The following WBP2NL variants were observed in gnomAD, a reference collection of about 807,000 sequenced individuals.
WBP2NL encodes WBP2 N-terminal like.
A neutral mutation model predicts 23.3 loss-of-function variants in WBP2NL; 27 were observed. The ratio of observed to expected loss-of-function variants is 1.16; its 90% CI spans 0.85 to 1.60. The LOEUF is 1.60. Among genes scored for constraint, WBP2NL ranks in the 40% most tolerant of loss-of-function variants. The pLI, the probability that WBP2NL is intolerant of heterozygous loss-of-function variation, is 0.00. For synonymous variants in WBP2NL, 151 were observed against 145.9 expected (o/e 1.03, Z -0.25); for missense variants, 370 against 389.5 (o/e 0.95, Z 0.42).
intron 1 of WBP2NL, among the ~76,000 whole-genome samples, chr22:42,013,866 TG>T (rs1402096391): frequency 3.3e-5 from 5 of 151,972 alleles, no homozygotes; most frequent in Non-Finnish European, 7.4e-5. Flanking sequence ...CTGTAACCTC[TG>T]CCTCCTGGGT....
chr22:42,039,355 CT>C (rs57767168), intron 8 of WBP2NL, among the ~76,000 whole-genome samples: 7,499 of 141,096 alleles, frequency 0.053, 671 homozygotes, highest in African/African-American at 0.18. Context: ...GGATTACAGG[CT>C]TTTTTTTTTT....
intron 8 of WBP2NL, among the ~76,000 whole-genome samples, chr22:42,044,234 T>A (rs1458218276): frequency 1.3e-5 from 2 of 152,032 alleles, no homozygotes; most frequent in Admixed American, 6.6e-5. Flanking sequence ...TAATTTTTTT[T>A]TAAATTTTTT....
At chr22:42,041,139 T>C (rs1315071958) in intron 8 of WBP2NL, among the ~76,000 whole-genome samples, 1 of 152,216 alleles carries the variant, frequency 6.6e-6, no homozygotes, top group Non-Finnish European at 1.5e-5. Flanking sequence ...TTGAAACTTT[T>C]ATCATTATAT....
At chr22:42,007,003 C>T (rs183068373) in intron 1 of WBP2NL, among the ~76,000 whole-genome samples, 273 of 152,332 alleles carry the variant, frequency 1.8e-3, no homozygotes, top group African/African-American at 6.4e-3. Flanking sequence ...CAAATTTTTA[C>T]CAGTAATGTT....
chr22:42,028,068 G>T lies in WBP2NL; in HGVS notation c.*887G>T. The T allele has an allele frequency of 2.5e-6, 1 of 398,490 alleles. No individual in the cohort carries two copies. 24.7% of individuals were successfully genotyped at this position (398,490 alleles called of 1,614,324 possible). A position where few individuals can be genotyped will look rare whatever the true frequency, so the allele number is the denominator to read the frequency against. Reference sequence around the variant, plus strand: ...AATATGCCTGCGAGAAAACTTGCATGTGTGCACAAAGATGCATGTGGGAAG... The same window carrying T: ...AATATGCCTGCGAGAAAACTTGCATTTGTGCACAAAGATGCATGTGGGAAG... On this transcript the variant is annotated 3_prime_UTR_variant, in exon 6 of 6. Transcript: ENST00000328823.
At chr22:42,024,863 C>T (rs771216793) in intron 5 of WBP2NL, among the ~76,000 whole-genome samples, 7 of 149,088 alleles carry the variant, frequency 4.7e-5, no homozygotes, top group African/African-American at 1.2e-4. Flanking sequence ...AGTGCAGTGG[C>T]GCCATCTTGG....
intron 8 of WBP2NL, among the ~76,000 whole-genome samples, chr22:42,049,469 T>C (rs985137003): frequency 2.6e-5 from 4 of 152,014 alleles, no homozygotes; most frequent in African/African-American, 9.7e-5. Context: ...GGTGGGTGGA[T>C]CACGAGGTCA....
chr22:42,008,407 G>C lies in WBP2NL; in HGVS notation c.62+9527G>C, dbSNP rs376092014. 3.0e-4 allele frequency among the ~76,000 whole-genome samples: 45 copies of C among 151,828 alleles called. No homozygotes were observed. The East Asian group carries it at 7.2e-3, about 24-fold the overall frequency. ...TTTTTAGTAGAGACGGGGTTTCGCT[G>C]TGTTGGCCAGGCTGGTCTCAAACTC... On this transcript the variant is annotated intron_variant, in intron 1 of 5. Coordinates refer to ENST00000328823, the MANE Select transcript of WBP2NL (RefSeq NM_152613.3).
In WBP2NL at chr22:42,042,908, T is replaced by G. The variant is rs59038550; in HGVS notation, c.*273+12085T>G. Among the ~76,000 whole-genome samples the G allele has an allele frequency of 1.7e-4, 24 of 139,484 alleles. No individual in the cohort carries two copies. The East Asian group carries it at 4.0e-3, about 24-fold the overall frequency. The allele number at this position is 139,484 out of a possible 152,430, so 91.5% of individuals were successfully genotyped here. ...GAAACCCTGTCTCTACCAAAGAAGA[T>G]AAAAAAATTAGCCAGGCGTGGTGGT... On this transcript the variant is annotated intron_variant and NMD_transcript_variant, in intron 8 of 8. Transcript: ENST00000436265.
At chr22:42,004,229 G>C (rs142962537) in intron 1 of WBP2NL, among the ~76,000 whole-genome samples, 82 of 152,254 alleles carry the variant, frequency 5.4e-4, no homozygotes, top group Non-Finnish European at 1.0e-3. Flanking sequence ...CTGAGATCAC[G>C]TGACTGCACT....
At chr22:42,019,152 C>T (rs888334620) in intron 1 of WBP2NL, among the ~76,000 whole-genome samples, 159 bp from the exon 2 acceptor site, 4 of 151,040 alleles carry the variant, frequency 2.6e-5, no homozygotes, top group East Asian at 1.9e-4. Context: ...ACCCGGGAGG[C>T]GGAGCTTGCA....
In WBP2NL at chr22:42,045,153, C is replaced by T. The variant is rs140556618; in HGVS notation, c.*274-13137C>T. ...GCCTAAAATCAATAAAATTTTAAAA[C>T]CTCGGCCGGGCGCGGTGGCTCACGC... On this transcript the variant is annotated intron_variant and NMD_transcript_variant, in intron 8 of 8. Transcript: ENST00000436265. Among the ~76,000 whole-genome samples the T allele has an allele frequency of 9.2e-3, 1,403 of 152,146 alleles. 9 individuals carry two copies. The highest frequency in any genetic ancestry group is 0.013 in the Non-Finnish European group (882 of 67,976).
chr22:42,050,482 C>A (rs771618944), intron 8 of WBP2NL, among the ~76,000 whole-genome samples: 28 of 152,112 alleles, frequency 1.8e-4, no homozygotes, highest in Non-Finnish European at 3.7e-4. Context: ...CCCGTCTCTA[C>A]TAAAAATATA....
chr22:42,028,484 GT>G (rs763747848), downstream of WBP2NL: 36 of 155,800 alleles, frequency 2.3e-4, 1 homozygote, highest in Admixed American at 5.8e-4. Flanking sequence ...AATTTTAAGT[GT>G]TTTAATATAT....
At chr22:42,039,074 ATT>A (rs149508996) in intron 8 of WBP2NL, among the ~76,000 whole-genome samples, 10 of 140,022 alleles carry the variant, frequency 7.1e-5, no homozygotes, top group Admixed American at 7.2e-5. Flanking sequence ...TTCCTGGCTA[ATT>A]TTTTTTTTTT....
chr22:42,002,172 G>T (rs1921769942), intron 1 of WBP2NL, among the ~76,000 whole-genome samples: 1 of 152,204 alleles, frequency 6.6e-6, no homozygotes, highest in African/African-American at 2.4e-5. Context: ...ACTGATTTTT[G>T]TGGTCCTTTG....
rs769189759 is a variant in WBP2NL, at chr22:42,020,046, A to T, written c.356A>T (p.Asn119Ile). The T allele has an allele frequency of 4.3e-6, 7 of 1,614,182 alleles. No individual in the cohort carries two copies. In the East Asian group the frequency reaches 1.6e-4, roughly 36 times the overall value. ...GQATFKLVFRNGDAIEFAQLM... is the reference protein window; with the variant it reads ...GQATFKLVFRIGDAIEFAQLM... ...GCTACTTTTAAATTAGTCTTCAGAA[A>T]TGGAGATGCCATTGAATTTGCCCAG... The change falls in exon 4 of 6, where the codon AAT becomes ATT. Residue 119 changes from asparagine to isoleucine, a missense_variant. Asn to Ile is a moderately radical substitution (Grantham distance 149). Coordinates refer to ENST00000328823, the MANE Select transcript of WBP2NL (RefSeq NM_152613.3).
At position 42,026,938 on chromosome 22, in the gene WBP2NL, A is replaced by T. The variant is rs1569451754; in HGVS notation, c.687A>T (p.Ala229=). Reference sequence around the variant, plus strand: ...CTCTTGGATACGGAGCCCCACCTGCAGGATATGGAGCCCCACCTCTAGGAT... The same window carrying T: ...CTCTTGGATACGGAGCCCCACCTGCTGGATATGGAGCCCCACCTCTAGGAT... ...APPLGYGAPP[A]GYGAPPLGYG... is the part of the protein sequence containing the mutation. The change falls in exon 6 of 6, where the codon GCA becomes GCT. Residue 229 remains alanine, a synonymous_variant. Coordinates refer to ENST00000328823, the MANE Select transcript of WBP2NL (RefSeq NM_152613.3). 2 of 1,607,946 alleles carry T rather than the reference A, an allele frequency of 1.2e-6. No homozygotes were observed. The highest frequency in any genetic ancestry group is 3.4e-5 in the Admixed American group (2 of 59,326).
chr22:42,036,341 AT>A (rs959184030), downstream of WBP2NL, among the ~76,000 whole-genome samples: 3 of 151,808 alleles, frequency 2.0e-5, no homozygotes, highest in Non-Finnish European at 4.4e-5. Flanking sequence ...TGCCCGGCTA[AT>A]TTTTTTTACT....
Sources: gnomAD v4.1 joint callset for allele counts (sites outside exome capture counted in the v4.1 genomes callset) on GRCh38, gnomAD v4.1.1 for gene constraint, MANE v1.5 for transcripts, NCBI Gene and HGNC (gene_info 2026-07-23, HGNC 2026-07-21) for gene names.